PLB1: variants seen among roughly 807,000 people sequenced by gnomAD.
PLB1 encodes the protein phospholipase B1, membrane-associated.
Under a neutral mutation model 227.4 loss-of-function variants are expected in PLB1, and 242 were observed. That is an observed-to-expected ratio of 1.06 (90% confidence interval 0.96 to 1.18). The LOEUF (loss-of-function observed/expected upper bound fraction) is 1.18, where lower values mean the gene tolerates loss of function less well. Among genes scored for constraint, PLB1 ranks in the 50% most tolerant of loss-of-function variants. PLB1 has a pLI of 0.00. For synonymous variants in PLB1, 757 were observed against 682.2 expected, an observed-to-expected ratio of 1.11 and a Z score of -1.71; for missense variants, 1,858 against 1,816.3, an observed-to-expected ratio of 1.02 and a Z score of -0.42.
chr2:28,630,473 C>A, intron 53 of PLB1, 113 bp from the exon 54 acceptor site: 1 of 810,266 alleles, frequency 1.2e-6, no homozygotes, highest in Non-Finnish European at 2.0e-6. Flanking sequence ...TAAGGCAGCA[C>A]AGGCTGCAGG....
chr2:28,535,876 T>A (rs1353020579), intron 9 of PLB1, among the ~76,000 whole-genome samples: 1 of 152,114 alleles, frequency 6.6e-6, no homozygotes, highest in Non-Finnish European at 1.5e-5. Flanking sequence ...GCTGAGATCA[T>A]GCCACTGCAC....
At position 28,643,119 on chromosome 2, in the gene PLB1, G is replaced by C. The variant is rs1262906032; in HGVS notation, c.*58G>C. Reference sequence around the variant, plus strand: ...ATAGCCACTCTCTTCACCGCCCTCTGCCCCAGCCACTCCCGGCCACCAGGA... The same window carrying C: ...ATAGCCACTCTCTTCACCGCCCTCTCCCCCAGCCACTCCCGGCCACCAGGA... On this transcript the variant is annotated 3_prime_UTR_variant, in exon 58 of 58. Coordinates refer to ENST00000327757, the MANE Select transcript of PLB1 (RefSeq NM_153021.5). The C allele has an allele frequency of 1.4e-6, 2 of 1,445,730 alleles. No individual in the cohort carries two copies. Among genetic ancestry groups the C allele is most frequent in the Admixed American group, 2.3e-5 (1 of 42,802 alleles). 89.6% of individuals were successfully genotyped at this position (1,445,730 alleles called of 1,614,324 possible). A position where few individuals can be genotyped will look rare whatever the true frequency, so the allele number is the denominator to read the frequency against.
At chr2:28,538,163 T>C in intron 9 of PLB1, 156 bp from the exon 10 acceptor site, 1 of 857,626 alleles carries the variant, frequency 1.2e-6, no homozygotes, top group Non-Finnish European at 1.9e-6. Flanking sequence ...ACTAGGAAGC[T>C]CTGGGAATTC....
At chr2:28,512,887 A>T (rs1300514884) in intron 1 of PLB1, among the ~76,000 whole-genome samples, 1 of 152,096 alleles carries the variant, frequency 6.6e-6, no homozygotes, top group Non-Finnish European at 1.5e-5. Flanking sequence ...TTAGATTTAC[A>T]TGTGGCTCTT....
intron 49 of PLB1, 35 bp from the exon 50 acceptor site, chr2:28,625,022 C>T (rs556374630): frequency 2.1e-5 from 34 of 1,602,522 alleles, no homozygotes; most frequent in Admixed American, 2.0e-4. Flanking sequence ...GCTCCTGAGC[C>T]GGCACTAACG....
chr2:28,536,110 C>T (rs1671647951), intron 9 of PLB1, among the ~76,000 whole-genome samples: 4 of 152,170 alleles, frequency 2.6e-5, no homozygotes. Context: ...GAGCTACTGT[C>T]CTGCCCCAAC....
At chr2:28,498,001 G>A (rs1283224396) in intron 1 of PLB1, among the ~76,000 whole-genome samples, 1 of 151,662 alleles carries the variant, frequency 6.6e-6, no homozygotes, top group Non-Finnish European at 1.5e-5. Context: ...TTACAGGTGT[G>A]AGCCACCGTG....
chr2:28,501,075 C>T (rs6715256), intron 1 of PLB1, among the ~76,000 whole-genome samples: 27,025 of 152,148 alleles, frequency 0.18, 3,122 homozygotes, highest in East Asian at 0.64. Flanking sequence ...GTGTTATTGT[C>T]TAGGCCCTTT....
intron 17 of PLB1, among the ~76,000 whole-genome samples, chr2:28,556,563 G>C (rs73922157): frequency 6.6e-6 from 1 of 152,008 alleles, no homozygotes. Flanking sequence ...ATTGCTAGAC[G>C]GCCCTCTCCC....
Position 28,573,237 on chromosome 2 carries a change from T to C in PLB1, c.1365T>C (p.Ser455=). 6.2e-7 allele frequency: 1 copy of C among 1,614,194 alleles called. No individual in the cohort carries two copies. Among genetic ancestry groups the C allele is most frequent in the East Asian group, 2.2e-5 (1 of 44,890 alleles). ...REFNPSLKGF[S]VGTGKETSPN... ...TCAACCCTTCCCTGAAGGGCTTCTCTGTTGGCACTGGGAAAGAAACCAGTC... is the reference window on the plus strand; with the variant it reads ...TCAACCCTTCCCTGAAGGGCTTCTCCGTTGGCACTGGGAAAGAAACCAGTC... The change falls in exon 21 of 58, where the codon TCT becomes TCC. Residue 455 remains serine (S), a synonymous_variant. Coordinates refer to ENST00000327757, the MANE Select transcript of PLB1 (RefSeq NM_153021.5).
At chr2:28,625,998 C>CTT (rs774136235) in intron 50 of PLB1, among the ~76,000 whole-genome samples, 7 of 137,042 alleles carry the variant, frequency 5.1e-5, no homozygotes, top group Non-Finnish European at 6.4e-5. Flanking sequence ...TGTTGCTTTT[C>CTT]TTTTTTTTTT....
intron 8 of PLB1, among the ~76,000 whole-genome samples, chr2:28,530,110 C>T (rs977105980): frequency 3.9e-5 from 6 of 152,252 alleles, no homozygotes; most frequent in Middle Eastern, 3.4e-3. Flanking sequence ...CTGCCCGCCT[C>T]GGCCTCCTAA....
At chr2:28,635,229 C>T (rs1052516131) in intron 56 of PLB1, among the ~76,000 whole-genome samples, 2 of 152,190 alleles carry the variant, frequency 1.3e-5, no homozygotes, top group Non-Finnish European at 2.9e-5. Flanking sequence ...CTAATGTTTT[C>T]ATCCAAAGCC....
intron 33 of PLB1, among the ~76,000 whole-genome samples, chr2:28,596,906 A>T (rs918965952): frequency 6.6e-6 from 1 of 152,172 alleles, no homozygotes; most frequent in Non-Finnish European, 1.5e-5. Flanking sequence ...AACAACTATG[A>T]CTCATGGCCT....
chr2:28,632,976 G>T lies in PLB1; in HGVS notation c.4035G>T (p.Glu1345Asp), dbSNP rs139919619. ...RGDTDLTFFS[E>D]DCFHFSDRGH... is the part of the protein sequence containing the mutation. ...ACACTGACCTCACCTTCTTCTCCGA[G>T]GACTGTTTTCACTTCTCAGACCGCG... Residue 1345 changes from glutamate to aspartate, a missense_variant, in exon 56 of 58, where the codon GAG becomes GAT. Physicochemically the swap from Glu to Asp is conservative, Grantham distance 45. Transcript: ENST00000327757. The T allele has an allele frequency of 3.4e-5, 54 of 1,606,446 alleles. No homozygotes were observed. In the African/African-American group the frequency reaches 7.8e-4, roughly 23 times the overall value.
chr2:28,558,058 C>T (rs999457368), intron 17 of PLB1, among the ~76,000 whole-genome samples: 3 of 152,110 alleles, frequency 2.0e-5, no homozygotes, highest in Admixed American at 1.3e-4. Flanking sequence ...TATCAGATGA[C>T]GTCAGGCACT....
intron 23 of PLB1, among the ~76,000 whole-genome samples, chr2:28,580,548 C>G (rs771343467): frequency 1.9e-4 from 29 of 152,140 alleles, no homozygotes; most frequent in Admixed American, 2.6e-4. Flanking sequence ...AACCCTGTCT[C>G]TACAAAAATA....
At chr2:28,520,029 A>G (rs949972298) in intron 4 of PLB1, among the ~76,000 whole-genome samples, 3 of 152,022 alleles carry the variant, frequency 2.0e-5, no homozygotes, top group African/African-American at 7.3e-5. Context: ...CCCGGGTTCA[A>G]GTGATTCTCC....
intron 17 of PLB1, among the ~76,000 whole-genome samples, chr2:28,555,469 C>G (rs905506372): frequency 2.0e-5 from 3 of 152,152 alleles, no homozygotes; most frequent in African/African-American, 7.2e-5. Context: ...ACTGAACATT[C>G]TAACTATCCT....
Sources: allele counts gnomAD v4.1 joint callset (sites outside exome capture counted in the v4.1 genomes callset), GRCh38; gene constraint gnomAD v4.1.1; transcripts MANE v1.5; gene names NCBI Gene and HGNC (gene_info 2026-07-23, HGNC 2026-07-21).